The following CARMIL1 variants were observed in gnomAD, a reference collection of about 807,000 sequenced individuals.
The protein encoded by CARMIL1 is F-actin-uncapping protein LRRC16A.
A neutral mutation model predicts 177.1 loss-of-function variants in CARMIL1; 90 were observed. That is an observed-to-expected ratio of 0.51 (90% CI 0.43 to 0.61). CARMIL1 has a LOEUF of 0.61. Among genes scored for constraint, CARMIL1 ranks in the 20% least tolerant of loss-of-function variants. The probability of loss-of-function intolerance (pLI) is 0.00; values close to 1 mark genes in which losing one functional copy is unlikely to be tolerated. For missense variants in CARMIL1, 1,380 were observed against 1,667.0 expected (o/e 0.83, Z 3.00); for synonymous variants, 577 against 606.2 (o/e 0.95, Z 0.71).
chr6:25,347,350 C>T (rs903281894), intron 2 of CARMIL1, among the ~76,000 whole-genome samples: 2 of 152,332 alleles, frequency 1.3e-5, no homozygotes, highest in African/African-American at 4.8e-5. Flanking sequence ...ATTTTACCAA[C>T]AGCCCATTGA....
chr6:25,573,202 C>G (rs1330091882), intron 29 of CARMIL1, among the ~76,000 whole-genome samples: 2 of 152,110 alleles, frequency 1.3e-5, no homozygotes, highest in African/African-American at 4.8e-5. Flanking sequence ...CTAGGCATTC[C>G]CCTATGTCAC....
intron 29 of CARMIL1, among the ~76,000 whole-genome samples, chr6:25,565,778 G>A (rs181138897): frequency 2.2e-4 from 34 of 152,254 alleles, no homozygotes; most frequent in African/African-American, 7.7e-4. Context: ...CCAGGAGTTG[G>A]AGGTTGCAGT....
intron 2 of CARMIL1, among the ~76,000 whole-genome samples, chr6:25,332,763 A>ACACACACACACACG (rs1245154875): frequency 5.9e-4 from 71 of 119,554 alleles, no homozygotes; most frequent in Middle Eastern, 5.1e-3. Flanking sequence ...ACACACACAC[A>ACACACACACACACG]CACACACACG....
At chr6:25,303,164 TTGAA>T (rs1046229232) in intron 2 of CARMIL1, among the ~76,000 whole-genome samples, 1 of 152,092 alleles carries the variant, frequency 6.6e-6, no homozygotes, top group African/African-American at 2.4e-5. Context: ...TTTATGCTGA[TTGAA>T]TGAAAAGATT....
intron 2 of CARMIL1, among the ~76,000 whole-genome samples, chr6:25,396,171 T>C (rs1793370421): frequency 1.8e-5 from 1 of 55,468 alleles, no homozygotes; most frequent in African/African-American, 6.1e-5. Flanking sequence ...TTATTCTGCT[T>C]TTTTTTTTTA....
chr6:25,600,740 G>T lies in CARMIL1; in HGVS notation c.3546G>T (p.Ala1182=). ...KAKQEKRAAC[A]QKKLGNDAVS... is the part of the protein sequence containing the mutation. Reference sequence around the variant, plus strand: ...AGCAAGAGAAGAGAGCTGCGTGTGCGCAGAAGGTAAGGGTGGACCTATTTT... The same window carrying T: ...AGCAAGAGAAGAGAGCTGCGTGTGCTCAGAAGGTAAGGGTGGACCTATTTT... The change falls in exon 33 of 37, where the codon GCG becomes GCT. Residue 1182 remains alanine (A), a synonymous_variant. Coordinates refer to ENST00000329474, the MANE Select transcript of CARMIL1 (RefSeq NM_017640.6). 1 of 1,519,052 alleles carries T rather than the reference G, an allele frequency of 6.6e-7. No individual in the cohort carries two copies. Among genetic ancestry groups the T allele is most frequent in the Non-Finnish European group, 8.8e-7 (1 of 1,135,952 alleles). The allele number at this position is 1,519,052 out of a possible 1,614,324, so 94.1% of individuals were successfully genotyped here.
At chr6:25,526,190 T>G (rs1807102841) in intron 23 of CARMIL1, among the ~76,000 whole-genome samples, 1 of 123,770 alleles carries the variant, frequency 8.1e-6, no homozygotes, top group Admixed American at 8.0e-5. Flanking sequence ...AATAAATAAA[T>G]AAATAAGCCA....
At chr6:25,404,755 T>TAA (rs56012794) in intron 2 of CARMIL1, among the ~76,000 whole-genome samples, 238 of 139,346 alleles carry the variant, frequency 1.7e-3, no homozygotes, top group East Asian at 3.4e-3. Flanking sequence ...GACTTCGTCT[T>TAA]AAAAAAAAAA....
chr6:25,354,557 C>T (rs1788402640), intron 2 of CARMIL1, among the ~76,000 whole-genome samples: 1 of 152,036 alleles, frequency 6.6e-6, no homozygotes, highest in Non-Finnish European at 1.5e-5. Context: ...CTGCTTTCAA[C>T]ATGAGCTTGA....
At chr6:25,514,946 TA>T (rs1294055051) in intron 20 of CARMIL1, among the ~76,000 whole-genome samples, 1 of 150,592 alleles carries the variant, frequency 6.6e-6, no homozygotes, top group Non-Finnish European at 1.5e-5. Flanking sequence ...AAAAAAAAGA[TA>T]AAATTAAAGG....
chr6:25,588,392 T>A (rs1813975327), intron 31 of CARMIL1, among the ~76,000 whole-genome samples: 1 of 152,224 alleles, frequency 6.6e-6, no homozygotes, highest in South Asian at 2.1e-4. Flanking sequence ...AGGCTACTTT[T>A]ACTTTGTGGC....
intron 2 of CARMIL1, among the ~76,000 whole-genome samples, chr6:25,302,113 G>T (rs142006988): frequency 7.9e-4 from 121 of 152,244 alleles, no homozygotes; most frequent in African/African-American, 2.7e-3. Flanking sequence ...TAAGTCTAAA[G>T]AAGTTTTTCT....
intron 2 of CARMIL1, among the ~76,000 whole-genome samples, chr6:25,371,100 G>A (rs779433860): frequency 4.1e-4 from 63 of 152,142 alleles, no homozygotes; most frequent in Non-Finnish European, 7.4e-4. Flanking sequence ...ATTTCATTCT[G>A]TTTTATGTCT....
At position 25,577,416 on chromosome 6, in the gene CARMIL1, A is replaced by T. The variant is rs1277175152; in HGVS notation, c.2743-3508A>T. On this transcript the variant is annotated intron_variant, in intron 29 of 36. Coordinates refer to ENST00000329474, the MANE Select transcript of CARMIL1 (RefSeq NM_017640.6). The surrounding 1 kb of genome is among the most constrained non-coding windows in gnomAD (Gnocchi z 4.5). ...ATGATTTGCTTCTTATATTAGGAGAACTTTCCTAATCTTCTTCTCAGCTGG... is the reference window on the plus strand; with the variant it reads ...ATGATTTGCTTCTTATATTAGGAGATCTTTCCTAATCTTCTTCTCAGCTGG... Among the ~76,000 whole-genome samples the T allele has an allele frequency of 6.6e-6, 1 of 151,856 alleles. No homozygotes were observed. Among genetic ancestry groups the T allele is most frequent in the Non-Finnish European group, 1.5e-5 (1 of 67,968 alleles).
At chr6:25,591,512 T>C (rs1307422248) in intron 31 of CARMIL1, among the ~76,000 whole-genome samples, 4 of 152,194 alleles carry the variant, frequency 2.6e-5, no homozygotes, top group Non-Finnish European at 5.9e-5. Context: ...CAGTCTGAAA[T>C]GTATTCTCCT....
rs148874467 is a variant in CARMIL1 at position 25,563,672 on chromosome 6, T to A, written c.2742+6822T>A. ...ACAAATGCTTATTGTCCATCCATCATATACCAGGTATTCTTGGCTTCTTGC... is the reference window on the plus strand; with the variant it reads ...ACAAATGCTTATTGTCCATCCATCAAATACCAGGTATTCTTGGCTTCTTGC... On this transcript the variant is annotated intron_variant, in intron 29 of 36. Coordinates refer to ENST00000329474, the MANE Select transcript of CARMIL1 (RefSeq NM_017640.6). The A allele has an allele frequency of 6.3e-5, 62 of 985,258 alleles. No individual in the cohort carries two copies. The East Asian group carries it at 6.2e-3, about 99-fold the overall frequency. 61.0% of individuals were successfully genotyped at this position (985,258 alleles called of 1,614,324 possible).
intron 4 of CARMIL1, among the ~76,000 whole-genome samples, chr6:25,434,507 A>T (rs1797062384): frequency 6.6e-6 from 1 of 150,828 alleles, no homozygotes; most frequent in South Asian, 2.1e-4. Flanking sequence ...CTTCTTAGAA[A>T]GCTCAAAACC....
chr6:25,300,038 G>GC (rs965623462), intron 2 of CARMIL1, among the ~76,000 whole-genome samples: 48 of 151,354 alleles, frequency 3.2e-4, no homozygotes, highest in African/African-American at 9.4e-4. Context: ...TGTAGAATTG[G>GC]CCCCCCCACT....
intron 2 of CARMIL1, among the ~76,000 whole-genome samples, chr6:25,314,208 G>T (rs1471480530): frequency 8.1e-6 from 1 of 123,832 alleles, no homozygotes; most frequent in African/African-American, 3.0e-5. Context: ...CCACCCACCC[G>T]CCTCGGCCTC....
Sources: gnomAD v4.1 joint callset for allele counts (sites outside exome capture counted in the v4.1 genomes callset) on GRCh38, gnomAD v4.1.1 for gene constraint, Gnocchi (gnomAD v3.1) non-coding constraint, MANE v1.5 for transcripts, NCBI Gene and HGNC (gene_info 2026-07-23, HGNC 2026-07-21) for gene names.